Variants in SLC24A2 observed in about 807,000 individuals in gnomAD.
SLC24A2 encodes solute carrier family 24 member 2.
Under a neutral mutation model 62.0 loss-of-function variants are expected in SLC24A2, and 36 were observed. The ratio of observed to expected loss-of-function variants is 0.58; its 90% CI spans 0.44 to 0.77. The LOEUF (loss-of-function observed/expected upper bound fraction) is 0.77. Ranked by LOEUF, SLC24A2 falls within the 30% of genes least tolerant of loss-of-function variation. The probability of loss-of-function intolerance (pLI) is 0.00; values close to 1 mark genes in which losing one functional copy is unlikely to be tolerated. For synonymous variants in SLC24A2, 358 were observed against 294.0 expected, an observed-to-expected ratio of 1.22 and a Z score of -2.23; for missense variants, 846 against 817.9, an observed-to-expected ratio of 1.03 and a Z score of -0.42.
rs544410824 is a variant in SLC24A2 at position 19,526,324 on chromosome 9, T to G, written c.1569+1725A>C. 1.3e-3 allele frequency among the ~76,000 whole-genome samples: 203 copies of G among 152,338 alleles called. 1 individual carries two copies. Among genetic ancestry groups the G allele is most frequent in the African/African-American group, 4.2e-3 (175 of 41,578 alleles). ...GCTACTTTGAACATTTGTTTACAAG[T>G]GTTTGTGGACGTATGTTTTCATTTC... On this transcript the variant is annotated intron_variant, in intron 9 of 10. Coordinates refer to ENST00000341998, the MANE Select transcript of SLC24A2 (RefSeq NM_020344.4).
Position 19,641,554 on chromosome 9 carries a change from G to A in SLC24A2, c.931-19255C>T, listed in dbSNP as rs748836298. Among the ~76,000 whole-genome samples, 72 of 145,802 alleles carry A rather than the reference G, an allele frequency of 4.9e-4. 1 individual carries two copies. Among genetic ancestry groups the A allele is most frequent in the Non-Finnish European group, 8.0e-4 (54 of 67,192 alleles). ...TTTTGAGATGGAGTCTCACTCGGTC[G>A]CCCAGGCTGGAGTGCAGTGGTGTGA... On this transcript the variant is annotated intron_variant, in intron 2 of 10. Coordinates refer to ENST00000341998, the MANE Select transcript of SLC24A2 (RefSeq NM_020344.4).
intron 2 of SLC24A2, among the ~76,000 whole-genome samples, chr9:19,757,433 T>TCTC (rs1021235710): frequency 2.6e-5 from 4 of 152,136 alleles, no homozygotes; most frequent in Non-Finnish European, 5.9e-5. Flanking sequence ...TTCTTTTCTT[T>TCTC]CTCCTCCTCC....
At chr9:20,026,988 G>C in the SLC24A2 span, among the ~76,000 whole-genome samples, 1 of 151,928 alleles carries the variant, frequency 6.6e-6, no homozygotes, top group Non-Finnish European at 1.5e-5. Flanking sequence ...AAAAAAATAA[G>C]TTAAAAACAT....
At chr9:19,656,199 C>T (rs1164668054) in intron 2 of SLC24A2, among the ~76,000 whole-genome samples, 1 of 152,170 alleles carries the variant, frequency 6.6e-6, no homozygotes, top group East Asian at 1.9e-4. Context: ...CTATGTAAGA[C>T]ACTGCAATGA....
the SLC24A2 span, among the ~76,000 whole-genome samples, chr9:19,951,589 G>A: frequency 6.6e-6 from 1 of 151,740 alleles, no homozygotes; most frequent in Non-Finnish European, 1.5e-5. Context: ...GATATCCGGT[G>A]TCTGGTGCAG....
At chr9:20,054,382 G>C in the SLC24A2 span, among the ~76,000 whole-genome samples, 1 of 152,048 alleles carries the variant, frequency 6.6e-6, no homozygotes, top group African/African-American at 2.4e-5. Flanking sequence ...AGTAGAGACA[G>C]GGTTTCACCA....
the SLC24A2 span, among the ~76,000 whole-genome samples, chr9:20,158,545 C>T: frequency 6.6e-6 from 1 of 151,586 alleles, no homozygotes; most frequent in Non-Finnish European, 1.5e-5. Context: ...GGATCTTGAT[C>T]CTAGACTTCC....
chr9:20,018,593 G>T, the SLC24A2 span, among the ~76,000 whole-genome samples: 1 of 151,822 alleles, frequency 6.6e-6, no homozygotes, highest in Non-Finnish European at 1.5e-5. Flanking sequence ...TTAAATATGT[G>T]TTACTTTTAT....
chr9:20,114,048 G>C, the SLC24A2 span, among the ~76,000 whole-genome samples: 1 of 152,168 alleles, frequency 6.6e-6, no homozygotes, highest in African/African-American at 2.4e-5. Flanking sequence ...ATGGCAGCCA[G>C]TGGTTTTCCT....
chr9:19,721,629 G>A (rs1821027419), intron 2 of SLC24A2, among the ~76,000 whole-genome samples: 1 of 151,914 alleles, frequency 6.6e-6, no homozygotes, highest in African/African-American at 2.4e-5. Context: ...AAAATAGGAG[G>A]CTCTTTAAAG....
chr9:20,031,676 T>C, the SLC24A2 span, among the ~76,000 whole-genome samples: 2 of 152,116 alleles, frequency 1.3e-5, no homozygotes, highest in African/African-American at 2.4e-5. Flanking sequence ...AAACTTGTTA[T>C]AGAACACAGC....
intron 2 of SLC24A2, among the ~76,000 whole-genome samples, chr9:19,687,268 G>A (rs539196388): frequency 2.3e-4 from 35 of 152,024 alleles, no homozygotes; most frequent in African/African-American, 7.5e-4. Flanking sequence ...CATGTTCCCC[G>A]AACCTAAAAT....
At chr9:19,839,838 A>T in the SLC24A2 span, among the ~76,000 whole-genome samples, 2 of 152,210 alleles carry the variant, frequency 1.3e-5, no homozygotes, top group African/African-American at 4.8e-5. Flanking sequence ...TCACCTAGTG[A>T]TGTCATAGCC....
the SLC24A2 span, among the ~76,000 whole-genome samples, chr9:19,830,411 A>G: frequency 6.6e-6 from 1 of 152,192 alleles, no homozygotes; most frequent in Non-Finnish European, 1.5e-5. Flanking sequence ...AATTTGTTAG[A>G]TTCTCACCAT....
At chr9:19,724,070 C>G (rs1821103913) in intron 2 of SLC24A2, among the ~76,000 whole-genome samples, 1 of 152,028 alleles carries the variant, frequency 6.6e-6, no homozygotes, top group Non-Finnish European at 1.5e-5. Context: ...TAATTTTTGC[C>G]ATAATCTCAT....
At chr9:19,776,466 C>G (rs978026858) in intron 2 of SLC24A2, among the ~76,000 whole-genome samples, 6 of 152,204 alleles carry the variant, frequency 3.9e-5, no homozygotes, top group African/African-American at 1.2e-4. Flanking sequence ...CCTCTCTTCT[C>G]TTGACTTTGG....
At chr9:20,306,923 C>A in the SLC24A2 span, among the ~76,000 whole-genome samples, 1 of 152,084 alleles carries the variant, frequency 6.6e-6, no homozygotes, top group Non-Finnish European at 1.5e-5. Context: ...GTCTCAAACT[C>A]CTGACCTCAA....
chr9:19,949,350 T>A, the SLC24A2 span, among the ~76,000 whole-genome samples: 1 of 152,114 alleles, frequency 6.6e-6, no homozygotes, highest in East Asian at 1.9e-4. Context: ...ATGACAGTGG[T>A]GCAACGATTT....
chr9:19,996,468 C>T, the SLC24A2 span, among the ~76,000 whole-genome samples: 3 of 152,110 alleles, frequency 2.0e-5, no homozygotes, highest in Admixed American at 6.6e-5. Flanking sequence ...ATGCCAGGTG[C>T]GGTGGCTTAT....
Sources: allele counts gnomAD v4.1 joint callset (sites outside exome capture counted in the v4.1 genomes callset), GRCh38; gene constraint gnomAD v4.1.1; transcripts MANE v1.5; gene names NCBI Gene and HGNC (gene_info 2026-07-23, HGNC 2026-07-21).